Variants in COX7B2 observed in about 807,000 individuals in gnomAD.
The protein encoded by COX7B2 is cytochrome c oxidase subunit 7B2, mitochondrial.
For missense variants in COX7B2, 109 were observed against 95.9 expected (o/e 1.14, Z -0.57); for synonymous variants, 37 against 32.1 (o/e 1.15, Z -0.51).
chr4:46,830,465 A>G (rs1475708198), intron 2 of COX7B2, among the ~76,000 whole-genome samples: 2 of 152,192 alleles, frequency 1.3e-5, no homozygotes, highest in Non-Finnish European at 2.9e-5. Context: ...TGACTATTTT[A>G]GTCTGGGTAT....
intron 2 of COX7B2, among the ~76,000 whole-genome samples, chr4:46,843,954 A>G (rs899302586): frequency 1.3e-5 from 2 of 152,004 alleles, no homozygotes; most frequent in African/African-American, 4.8e-5. Flanking sequence ...GTAATAAATA[A>G]GAGTCCTATT....
chr4:46,839,513 T>C (rs974930842), intron 2 of COX7B2, among the ~76,000 whole-genome samples: 1 of 151,946 alleles, frequency 6.6e-6, no homozygotes, highest in Non-Finnish European at 1.5e-5. Context: ...CCGACACAAG[T>C]AGGTGACCAC....
intron 1 of COX7B2, among the ~76,000 whole-genome samples, chr4:46,870,644 C>T (rs1215869725): frequency 1.3e-5 from 2 of 152,074 alleles, no homozygotes; most frequent in South Asian, 4.1e-4. Context: ...CTTCAGGATA[C>T]AAAATCAACC....
intron 2 of COX7B2, among the ~76,000 whole-genome samples, chr4:46,752,893 C>T (rs1379517781): frequency 6.6e-6 from 1 of 152,000 alleles, no homozygotes; most frequent in Non-Finnish European, 1.5e-5. Context: ...TTTGTGTTGT[C>T]TCTGCCAGGC....
chr4:46,792,677 T>C lies in COX7B2; in HGVS notation c.-50+52283A>G, dbSNP rs528431695. On this transcript the variant is annotated intron_variant, in intron 2 of 2. Coordinates refer to ENST00000355591, the MANE Select transcript of COX7B2 (RefSeq NM_130902.3). ...GAGCAGACTGTGGGACTTCTCAGCCTCCAAAGTCATGTGAGACAATTCCTT... is the reference window on the plus strand; with the variant it reads ...GAGCAGACTGTGGGACTTCTCAGCCCCCAAAGTCATGTGAGACAATTCCTT... Among the ~76,000 whole-genome samples the C allele has an allele frequency of 2.0e-5, 3 of 152,296 alleles. No homozygotes were observed. The South Asian group carries it at 6.2e-4, about 32-fold the overall frequency.
At chr4:46,863,103 G>T (rs1435932100) in intron 1 of COX7B2, among the ~76,000 whole-genome samples, 1 of 151,936 alleles carries the variant, frequency 6.6e-6, no homozygotes, top group Non-Finnish European at 1.5e-5. Flanking sequence ...TCGAGAAAAA[G>T]AATAACTTTG....
intron 2 of COX7B2, among the ~76,000 whole-genome samples, chr4:46,808,342 A>G (rs1719109083): frequency 6.6e-6 from 1 of 151,774 alleles, no homozygotes; most frequent in African/African-American, 2.4e-5. Context: ...TCAGTTGTGT[A>G]TATAAATGCT....
intron 1 of COX7B2, among the ~76,000 whole-genome samples, chr4:46,896,721 A>G (rs1288761249): frequency 6.6e-6 from 1 of 152,186 alleles, no homozygotes. Context: ...AGTTTTGGAC[A>G]ATGAATATTG....
intron 2 of COX7B2, among the ~76,000 whole-genome samples, chr4:46,814,853 C>A (rs1719466635): frequency 6.6e-6 from 1 of 152,074 alleles, no homozygotes; most frequent in South Asian, 2.1e-4. Flanking sequence ...TCTTCTATAT[C>A]CTTAGTATAT....
intron 2 of COX7B2, among the ~76,000 whole-genome samples, chr4:46,741,409 T>A (rs988370229): frequency 2.6e-5 from 4 of 152,074 alleles, no homozygotes; most frequent in Admixed American, 2.0e-4. Flanking sequence ...CCCCCAGTTT[T>A]GACACCATAA....
At chr4:46,861,310 C>T (rs1028518893) in intron 1 of COX7B2, among the ~76,000 whole-genome samples, 3 of 152,154 alleles carry the variant, frequency 2.0e-5, no homozygotes, top group African/African-American at 7.2e-5. Context: ...TACCTATGCC[C>T]TCTTTGCAGG....
chr4:46,881,384 A>C (rs1718730237), intron 1 of COX7B2, among the ~76,000 whole-genome samples: 2 of 152,226 alleles, frequency 1.3e-5, no homozygotes, highest in African/African-American at 2.4e-5. Flanking sequence ...AAATGGTTAC[A>C]TTCTTTTGAG....
intron 2 of COX7B2, among the ~76,000 whole-genome samples, chr4:46,823,038 T>A (rs1215294077): frequency 6.6e-6 from 1 of 152,138 alleles, no homozygotes; most frequent in African/African-American, 2.4e-5. Flanking sequence ...CATGGAAATG[T>A]GCCAGTGTTA....
intron 2 of COX7B2, among the ~76,000 whole-genome samples, chr4:46,844,118 A>T (rs905450060): frequency 7.9e-5 from 12 of 151,988 alleles, no homozygotes; most frequent in Non-Finnish European, 1.2e-4. Flanking sequence ...TTCTCATGTT[A>T]AATTATTATA....
At chr4:46,804,732 A>G (rs1431033603) in intron 2 of COX7B2, among the ~76,000 whole-genome samples, 1 of 152,216 alleles carries the variant, frequency 6.6e-6, no homozygotes, top group Non-Finnish European at 1.5e-5. Context: ...AGGTTCTCCA[A>G]GTCCCCACCA....
intron 2 of COX7B2, among the ~76,000 whole-genome samples, chr4:46,801,107 G>C (rs185848585): frequency 4.8e-4 from 73 of 152,084 alleles, no homozygotes; most frequent in African/African-American, 1.5e-3. Context: ...GGCAAACCTA[G>C]GGAGAAAAGA....
At chr4:46,860,733 C>T (rs1033698134) in intron 1 of COX7B2, among the ~76,000 whole-genome samples, 2 of 152,050 alleles carry the variant, frequency 1.3e-5, no homozygotes, top group Admixed American at 1.3e-4. Context: ...TTTTATTTTC[C>T]TCCCTGCAAT....
chr4:46,815,852 G>A (rs1719523407), intron 2 of COX7B2, among the ~76,000 whole-genome samples: 1 of 152,150 alleles, frequency 6.6e-6, no homozygotes, highest in African/African-American at 2.4e-5. Flanking sequence ...CAGATTAATT[G>A]TCTTAGCAGA....
chr4:46,827,385 T>C (rs998204431), intron 2 of COX7B2, among the ~76,000 whole-genome samples: 1 of 152,016 alleles, frequency 6.6e-6, no homozygotes, highest in Admixed American at 6.6e-5. Context: ...ACTATGTAGA[T>C]GGTAACAATC....
Sources: gnomAD v4.1 joint callset for allele counts (sites outside exome capture counted in the v4.1 genomes callset) on GRCh38, gnomAD v4.1.1 for gene constraint, MANE v1.5 for transcripts, NCBI Gene and HGNC (gene_info 2026-07-23, HGNC 2026-07-21) for gene names.